XIRP2: variants seen among roughly 807,000 people sequenced by gnomAD.
The protein encoded by XIRP2 is xin actin-binding repeat-containing protein 2.
XIRP2 carries 236 observed loss-of-function variants against 277.0 expected under a neutral mutation model. The ratio of observed to expected loss-of-function variants is 0.85; its 90% CI spans 0.77 to 0.95. The LOEUF (loss-of-function observed/expected upper bound fraction) is 0.95, where lower values mean the gene tolerates loss of function less well. XIRP2 is among the 40% of genes least tolerant of loss of function. XIRP2 has a pLI of 0.00. For missense variants in XIRP2, 4,640 were observed against 4,157.5 expected, an observed-to-expected ratio of 1.12 and a Z score of -3.19; for synonymous variants, 1,490 against 1,416.5, an observed-to-expected ratio of 1.05 and a Z score of -1.17.
At chr2:167,034,293 G>T (rs371386176) in intron 2 of XIRP2, among the ~76,000 whole-genome samples, 1 of 151,724 alleles carries the variant, frequency 6.6e-6, no homozygotes, top group Non-Finnish European at 1.5e-5. Flanking sequence ...AACTTACAAC[G>T]GATACACAAA....
intron 2 of XIRP2, among the ~76,000 whole-genome samples, chr2:167,079,517 C>T (rs568833538): frequency 2.0e-4 from 30 of 152,164 alleles, no homozygotes; most frequent in African/African-American, 7.2e-4. Flanking sequence ...AGTTTTAGAA[C>T]TTAAGATTGA....
At chr2:167,076,727 T>C (rs1358240851) in intron 2 of XIRP2, among the ~76,000 whole-genome samples, 1 of 152,218 alleles carries the variant, frequency 6.6e-6, no homozygotes, top group Non-Finnish European at 1.5e-5. Flanking sequence ...CCTGTGTTCA[T>C]AAGCATTGAT....
rs571490803 is a variant in XIRP2 at position 166,939,510 on chromosome 2, C to G, written c.408+35620C>G. On this transcript the variant is annotated intron_variant, in intron 2 of 10. Transcript: ENST00000409195. ...CCTGGCTAACACAGTGAAACCCCGT[C>G]TCTACTAAAAATACAAAAAATTAGC... is the stretch of plus-strand genomic sequence containing the variant. Among the ~76,000 whole-genome samples the G allele has an allele frequency of 8.6e-5, 13 of 151,646 alleles. 1 individual carries two copies. The South Asian group carries it at 2.7e-3, about 32-fold the overall frequency.
rs116038114 is a variant in XIRP2 at position 166,898,789 on chromosome 2, C to T, written c.-18-4676C>T. 2.7e-3 allele frequency among the ~76,000 whole-genome samples: 411 copies of T among 152,242 alleles called. 2 individuals are homozygous for T. Among genetic ancestry groups the T allele is most frequent in the African/African-American group, 9.4e-3 (389 of 41,570 alleles). ...GAAGCCCACCCCAACACGTCCCATCCATTCACAATCCCTGAGAACCACTAA... is the reference window on the plus strand; with the variant it reads ...GAAGCCCACCCCAACACGTCCCATCTATTCACAATCCCTGAGAACCACTAA... On this transcript the variant is annotated intron_variant, in intron 1 of 10. Coordinates refer to ENST00000409195, the MANE Select transcript of XIRP2 (RefSeq NM_152381.6).
chr2:167,040,350 C>T (rs1200802774), intron 2 of XIRP2, among the ~76,000 whole-genome samples: 4 of 152,086 alleles, frequency 2.6e-5, no homozygotes, highest in Non-Finnish European at 5.9e-5. Context: ...AAACTAGGAA[C>T]TCTGCCTGGG....
At chr2:167,056,396 C>A (rs1038502550) in intron 2 of XIRP2, among the ~76,000 whole-genome samples, 2 of 152,106 alleles carry the variant, frequency 1.3e-5, no homozygotes, top group African/African-American at 4.8e-5. Context: ...TAGAAAGTCT[C>A]CACATACACC....
intron 2 of XIRP2, among the ~76,000 whole-genome samples, chr2:167,111,139 G>A (rs1457782541): frequency 6.6e-6 from 1 of 152,010 alleles, no homozygotes; most frequent in African/African-American, 2.4e-5. Flanking sequence ...ATTTGACTTT[G>A]TCTCTTCCTA....
intron 3 of XIRP2, chr2:167,187,271 C>T: frequency 1.0e-6 from 1 of 985,332 alleles, no homozygotes; most frequent in Non-Finnish European, 1.2e-6. Flanking sequence ...GTGGTTGACT[C>T]AGGCCCCACC....
chr2:166,964,336 C>T (rs1686372494), intron 2 of XIRP2, among the ~76,000 whole-genome samples: 1 of 151,692 alleles, frequency 6.6e-6, no homozygotes, highest in Non-Finnish European at 1.5e-5. Context: ...GAGGATGTTA[C>T]AATCAGTAAA....
Position 167,247,603 on chromosome 2 carries a change from G to A in XIRP2, c.6211G>A (p.Glu2071Lys). The change falls in exon 9 of 11, where the codon GAA becomes AAA. Residue 2071 changes from glutamate to lysine, a missense_variant. Transcript: ENST00000409195. ...GGGTGTCTGGACTGATACTACAGGA[G>A]AACAGCATCTTAGAGATGAATATAT... ...KTGVWTDTTG[E>K]QHLRDEYMSR... The A allele has an allele frequency of 6.2e-7, 1 of 1,613,716 alleles. No individual in the cohort carries two copies.
At chr2:167,256,237 A>G (rs938915607) in intron 10 of XIRP2, among the ~76,000 whole-genome samples, 30 of 151,424 alleles carry the variant, frequency 2.0e-4, no homozygotes, top group Admixed American at 1.1e-3. Context: ...AAGAATTCCT[A>G]TTATCTATAC....
intron 2 of XIRP2, among the ~76,000 whole-genome samples, chr2:166,951,152 A>G (rs1196356544): frequency 6.6e-6 from 1 of 152,128 alleles, no homozygotes; most frequent in African/African-American, 2.4e-5. Flanking sequence ...TAAATATGCA[A>G]ACATTTAAGC....
chr2:167,124,118 T>A (rs1691132315), intron 2 of XIRP2: 2 of 152,270 alleles, frequency 1.3e-5, no homozygotes, highest in South Asian at 2.1e-4. Context: ...GTAAACCCAT[T>A]CTGGAAGGAG....
chr2:167,000,698 C>T (rs1687342715), intron 2 of XIRP2, among the ~76,000 whole-genome samples: 1 of 151,972 alleles, frequency 6.6e-6, no homozygotes, highest in African/African-American at 2.4e-5. Flanking sequence ...CAGAGGTAAA[C>T]ATTTTATGTT....
Position 167,168,170 on chromosome 2 carries a change from T to C in XIRP2, c.562+32108T>C, listed in dbSNP as rs926637053. ...TGCAGCTTCTTTCAGGATTTTTTCT[T>C]TAATCTTGATTTTCTGTAGTTTAAA... On this transcript the variant is annotated intron_variant, in intron 3 of 10. Transcript: ENST00000409195. Among the ~76,000 whole-genome samples the C allele has an allele frequency of 2.0e-5, 3 of 152,190 alleles. No homozygotes were observed. In the East Asian group the frequency reaches 5.8e-4, roughly 29 times the overall value.
intron 3 of XIRP2, among the ~76,000 whole-genome samples, chr2:167,186,811 T>G (rs968716881): frequency 3.3e-5 from 5 of 151,970 alleles, no homozygotes; most frequent in South Asian, 4.2e-4. Context: ...CCTTGTTTTT[T>G]TTTTTTTTTT....
intron 2 of XIRP2, among the ~76,000 whole-genome samples, chr2:166,935,325 T>G (rs1685462705): frequency 6.6e-6 from 1 of 152,184 alleles, no homozygotes; most frequent in Non-Finnish European, 1.5e-5. Context: ...TAAAAGAGAC[T>G]AATAGGCCAG....
chr2:167,093,304 A>G (rs1301926446), intron 2 of XIRP2, among the ~76,000 whole-genome samples: 2 of 151,836 alleles, frequency 1.3e-5, no homozygotes, highest in Non-Finnish European at 1.5e-5. Flanking sequence ...ACAGATGTAC[A>G]TAAGTTTGTG....
At chr2:167,044,285 G>C (rs550231092) in intron 2 of XIRP2, among the ~76,000 whole-genome samples, 1 of 152,084 alleles carries the variant, frequency 6.6e-6, no homozygotes, top group East Asian at 1.9e-4. Flanking sequence ...AGAATAATAA[G>C]AGCCATCTAT....
Sources: allele counts gnomAD v4.1 joint callset (sites outside exome capture counted in the v4.1 genomes callset), GRCh38; gene constraint gnomAD v4.1.1; transcripts MANE v1.5; gene names NCBI Gene and HGNC (gene_info 2026-07-23, HGNC 2026-07-21).